Variants in ANKRD26 observed in about 807,000 individuals in gnomAD.
The protein encoded by ANKRD26 is ankyrin repeat domain 26, also known as ankyrin repeat domain-containing protein 26.
In ANKRD26, 141 loss-of-function variants were observed where a neutral mutation model predicts 208.7. The ratio of observed to expected loss-of-function variants is 0.68; its 90% CI spans 0.59 to 0.78. The LOEUF (loss-of-function observed/expected upper bound fraction) is 0.78. Among genes scored for constraint, ANKRD26 ranks in the 30% least tolerant of loss-of-function variants. ANKRD26 has a pLI of 0.00. For missense variants in ANKRD26, 1,889 were observed against 1,938.7 expected, an observed-to-expected ratio of 0.97 and a Z score of 0.48; for synonymous variants, 636 against 660.4, an observed-to-expected ratio of 0.96 and a Z score of 0.57.
At chr10:26,986,613 G>C (rs1344569111) in intron 3 of ANKRD26, among the ~76,000 whole-genome samples, 2 of 152,168 alleles carry the variant, frequency 1.3e-5, no homozygotes, top group African/African-American at 2.4e-5. Context: ...TCAATAAGTG[G>C]GCGAAGGATA....
chr10:27,009,378 C>T (rs2053011561), intron 32 of ANKRD26, among the ~76,000 whole-genome samples: 1 of 152,172 alleles, frequency 6.6e-6, no homozygotes, highest in Non-Finnish European at 1.5e-5. Flanking sequence ...TGAAAACTGG[C>T]AAACATTAAA....
At chr10:26,949,083 C>T in the ANKRD26 span, among the ~76,000 whole-genome samples, 1 of 152,046 alleles carries the variant, frequency 6.6e-6, no homozygotes, top group Admixed American at 6.6e-5. Flanking sequence ...TTTTATTATG[C>T]TCCTAGAGTT....
chr10:27,061,049 CTT>C (rs1453067547), intron 13 of ANKRD26, 93 bp downstream of exon 13: 4 of 967,328 alleles, frequency 4.1e-6, no homozygotes, highest in African/African-American at 1.6e-5. Flanking sequence ...GGATATATAA[CTT>C]ATTTCTCATC....
chr10:27,001,768 G>A (rs559398532), downstream of ANKRD26, among the ~76,000 whole-genome samples: 26 of 152,252 alleles, frequency 1.7e-4, no homozygotes, highest in South Asian at 4.4e-3. Flanking sequence ...CACAATTTCC[G>A]GCATTCACCC....
chr10:27,037,126 T>C, intron 23 of ANKRD26, 60 bp downstream of exon 23: 3 of 1,550,400 alleles, frequency 1.9e-6, no homozygotes, highest in Non-Finnish European at 2.6e-6. Flanking sequence ...TTTTAAAATA[T>C]ATACACATAT....
At chr10:26,991,036 G>GA (rs2052476547), downstream of ANKRD26, among the ~76,000 whole-genome samples, 1 of 152,200 alleles carries the variant, frequency 6.6e-6, no homozygotes, top group Non-Finnish European at 1.5e-5. Flanking sequence ...GAAGCCAGCT[G>GA]AAACTCCCAG....
chr10:26,957,246 G>C, the ANKRD26 span, among the ~76,000 whole-genome samples: 1 of 152,148 alleles, frequency 6.6e-6, no homozygotes, highest in Non-Finnish European at 1.5e-5. Context: ...AAATTAGCCA[G>C]GCATAGTGAT....
downstream of ANKRD26, among the ~76,000 whole-genome samples, chr10:26,972,203 C>A (rs1324350366): frequency 2.0e-4 from 30 of 150,390 alleles, no homozygotes; most frequent in Non-Finnish European, 2.7e-4. Flanking sequence ...CCACTGCACT[C>A]CAGCCTGGGC....
the ANKRD26 span, among the ~76,000 whole-genome samples, chr10:26,956,631 C>G: frequency 5.6e-4 from 79 of 140,540 alleles, no homozygotes; most frequent in Non-Finnish European, 9.0e-4. Flanking sequence ...GCTTGTGTCT[C>G]AAAAAAAAAA....
rs369473728 is a variant in ANKRD26 at position 27,023,378 on chromosome 10, A to G, written c.4086-691T>C. 2.6e-5 allele frequency among the ~76,000 whole-genome samples: 4 copies of G among 152,064 alleles called. No individual in the cohort carries two copies. In the East Asian group the frequency reaches 7.7e-4, roughly 29 times the overall value. ...AAGAAAAGCATACACATACTTATAC[A>G]TGAATGGTTGAAAAAGACACAAAAA... is the stretch of plus-strand genomic sequence containing the variant. On this transcript the variant is annotated intron_variant, in intron 28 of 33. Coordinates refer to ENST00000376087, the MANE Select transcript of ANKRD26 (RefSeq NM_014915.3).
chr10:27,009,693 A>C (rs2053023608), intron 32 of ANKRD26, among the ~76,000 whole-genome samples: 1 of 152,244 alleles, frequency 6.6e-6, no homozygotes, highest in Non-Finnish European at 1.5e-5. Flanking sequence ...TCTTACGCTA[A>C]TAATTTAATG....
At chr10:27,075,786 C>T (rs1411461222) in intron 9 of ANKRD26, among the ~76,000 whole-genome samples, 1 of 152,170 alleles carries the variant, frequency 6.6e-6, no homozygotes, top group African/African-American at 2.4e-5. Context: ...TACCTGAGAA[C>T]TGCAGAATAT....
At chr10:27,032,000 A>T (rs1246242863) in intron 25 of ANKRD26, among the ~76,000 whole-genome samples, 1 of 152,182 alleles carries the variant, frequency 6.6e-6, no homozygotes, top group Non-Finnish European at 1.5e-5. Context: ...GAAATAAGAC[A>T]ATTTTCTGGA....
intron 9 of ANKRD26, among the ~76,000 whole-genome samples, chr10:27,070,034 G>A (rs1414902425): frequency 6.9e-6 from 1 of 144,824 alleles, no homozygotes; most frequent in Non-Finnish European, 1.5e-5. Flanking sequence ...AGACCCAGAA[G>A]ATTTAAGCTT....
chr10:27,045,319 G>A (rs1052986656), intron 18 of ANKRD26, among the ~76,000 whole-genome samples: 2 of 151,932 alleles, frequency 1.3e-5, no homozygotes, highest in Non-Finnish European at 2.9e-5. Flanking sequence ...AGCTACTTGG[G>A]AGGCTGAGGC....
At chr10:27,010,662 A>AT (rs1047457547) in intron 32 of ANKRD26, among the ~76,000 whole-genome samples, 28 of 151,860 alleles carry the variant, frequency 1.8e-4, no homozygotes, top group African/African-American at 5.1e-4. Context: ...TGCCCAGCTA[A>AT]TTTTTTTTAA....
intron 6 of ANKRD26, among the ~76,000 whole-genome samples, chr10:27,080,470 T>A (rs3781101): frequency 0.017 from 2,545 of 152,334 alleles, 151 homozygotes; most frequent in East Asian, 0.16. Context: ...CATTAAAAGT[T>A]ATAAAATCCA....
intron 17 of ANKRD26, among the ~76,000 whole-genome samples, chr10:27,046,890 C>T (rs1448730609): frequency 6.6e-6 from 1 of 151,934 alleles, no homozygotes; most frequent in Admixed American, 6.6e-5. Flanking sequence ...TAGAGGAGTT[C>T]ATGAGACAAA....
chr10:27,083,178 C>G (rs1477394889), intron 5 of ANKRD26, among the ~76,000 whole-genome samples: 1 of 152,074 alleles, frequency 6.6e-6, no homozygotes, highest in Non-Finnish European at 1.5e-5. Context: ...ATTAACTGTA[C>G]CTCTCTTCTG....
Sources: gnomAD v4.1 joint callset for allele counts (sites outside exome capture counted in the v4.1 genomes callset) on GRCh38, gnomAD v4.1.1 for gene constraint, MANE v1.5 for transcripts, NCBI Gene and HGNC (gene_info 2026-07-23, HGNC 2026-07-21) for gene names.